Variants in IMMP2L observed in about 807,000 individuals in gnomAD.
The protein encoded by IMMP2L is inner mitochondrial membrane peptidase subunit 2.
In IMMP2L, 18 loss-of-function variants were observed where a neutral mutation model predicts 19.3. The ratio of observed to expected loss-of-function variants is 0.93; its 90% CI spans 0.64 to 1.38. The LOEUF is 1.38. Ranked by LOEUF, IMMP2L falls within the 40% of genes most tolerant of loss-of-function variation. The pLI, the probability that IMMP2L is intolerant of heterozygous loss-of-function variation, is 0.00. For synonymous variants in IMMP2L, 76 were observed against 73.0 expected (o/e 1.04, Z -0.21); for missense variants, 233 against 218.2 (o/e 1.07, Z -0.43).
In IMMP2L at chr7:111,461,409, C is replaced by G. The variant is rs78716643; in HGVS notation, c.239+25829G>C. ...ATCCTGAAATACACACACACATACACGCACACGCACAGGAACACACATTCT... is the reference window on the plus strand; with the variant it reads ...ATCCTGAAATACACACACACATACAGGCACACGCACAGGAACACACATTCT... On this transcript the variant is annotated intron_variant, in intron 3 of 5. Coordinates refer to ENST00000405709, the MANE Select transcript of IMMP2L (RefSeq NM_032549.4). Among the ~76,000 whole-genome samples, 316 of 152,090 alleles carry G rather than the reference C, an allele frequency of 2.1e-3. 3 individuals are homozygous for G. Among genetic ancestry groups the G allele is most frequent in the African/African-American group, 7.2e-3 (300 of 41,536 alleles).
At chr7:111,226,189 C>G (rs1408893561) in intron 3 of IMMP2L, among the ~76,000 whole-genome samples, 2 of 151,808 alleles carry the variant, frequency 1.3e-5, no homozygotes, top group Non-Finnish European at 2.9e-5. Context: ...CAGGGTCTTG[C>G]TCTGTTACCG....
intron 3 of IMMP2L, among the ~76,000 whole-genome samples, chr7:111,024,230 T>C (rs1185029935): frequency 6.6e-6 from 1 of 152,216 alleles, no homozygotes; most frequent in African/African-American, 2.4e-5. Context: ...AAATAGCATA[T>C]ATTTAAAGTG....
intron 3 of IMMP2L, among the ~76,000 whole-genome samples, chr7:111,191,530 T>C (rs1004537309): frequency 1.3e-5 from 2 of 151,982 alleles, no homozygotes; most frequent in South Asian, 4.2e-4. Flanking sequence ...TGACTTTTAA[T>C]GTACTCTTCC....
rs1554445659 is a variant in IMMP2L, at chr7:110,882,287, G to GCCTTCCTTCCCTCCTTCCTT, written c.408+4305_408+4306insAAGGAAGGAGGGAAGGAAGG. The stretch of plus-strand genomic sequence containing the variant: ...GTCCCAATTCCTCTCTTTGTCAAGT[G>GCCTTCCTTCCCTCCTTCCTT]CCTTCCTTCCTTCCTTCCTTCCTTC... On this transcript the variant is annotated intron_variant, in intron 5 of 5. Transcript: ENST00000405709. Among the ~76,000 whole-genome samples, 170 of 122,180 alleles carry GCCTTCCTTCCCTCCTTCCTT rather than the reference G, an allele frequency of 1.4e-3. 2 individuals are homozygous for GCCTTCCTTCCCTCCTTCCTT. Among genetic ancestry groups the GCCTTCCTTCCCTCCTTCCTT allele is most frequent in the African/African-American group, 5.5e-3 (165 of 30,180 alleles). 80.2% of individuals were successfully genotyped at this position (122,180 alleles called of 152,430 possible). A position where few individuals can be genotyped will look rare whatever the true frequency, so the allele number is the denominator to read the frequency against.
chr7:111,404,707 A>G (rs1833769247), intron 3 of IMMP2L, among the ~76,000 whole-genome samples: 1 of 152,084 alleles, frequency 6.6e-6, no homozygotes, highest in Admixed American at 6.6e-5. Flanking sequence ...TTTATTCTAA[A>G]TTTTCACATT....
chr7:111,042,675 T>C lies in IMMP2L; in HGVS notation c.240-79110A>G, dbSNP rs559190799. 2.0e-5 allele frequency among the ~76,000 whole-genome samples: 3 copies of C among 152,328 alleles called. No individual in the cohort carries two copies. The South Asian group carries it at 6.2e-4, about 32-fold the overall frequency. On this transcript the variant is annotated intron_variant, in intron 3 of 5. Transcript: ENST00000405709. ...TATACTCCGCCTAAAATCTTAGTTCTGCCTAAGAGCTTAGTGAATAGCATG... is the reference window on the plus strand; with the variant it reads ...TATACTCCGCCTAAAATCTTAGTTCCGCCTAAGAGCTTAGTGAATAGCATG...
At chr7:111,122,275 T>C (rs1800740480) in intron 3 of IMMP2L, 1 of 152,542 alleles carries the variant, frequency 6.6e-6, no homozygotes, top group Non-Finnish European at 1.5e-5. Flanking sequence ...TCACCAAACA[T>C]ACTGAAGTAC....
At chr7:110,867,538 T>C (rs1237455658) in intron 5 of IMMP2L, among the ~76,000 whole-genome samples, 1 of 152,044 alleles carries the variant, frequency 6.6e-6, no homozygotes, top group Non-Finnish European at 1.5e-5. Flanking sequence ...AAAATGTCTT[T>C]ATGTATGTGG....
chr7:111,179,677 T>C (rs1030446086), intron 3 of IMMP2L, among the ~76,000 whole-genome samples: 1 of 152,080 alleles, frequency 6.6e-6, no homozygotes, highest in African/African-American at 2.4e-5. Context: ...CTTTGATGCT[T>C]TGAAGCCAGC....
At chr7:110,735,830 G>C (rs1203879939) in intron 5 of IMMP2L, among the ~76,000 whole-genome samples, 5 of 108,086 alleles carry the variant, frequency 4.6e-5, no homozygotes, top group African/African-American at 1.8e-4. Context: ...CTGGGTGACA[G>C]AGTCTCACTC....
chr7:110,914,376 C>T (rs923972828), intron 4 of IMMP2L, among the ~76,000 whole-genome samples: 1 of 152,156 alleles, frequency 6.6e-6, no homozygotes, highest in Non-Finnish European at 1.5e-5. Context: ...TTGCATGTGA[C>T]ATCTATGAAG....
chr7:111,198,411 A>C (rs1809732684), intron 3 of IMMP2L, among the ~76,000 whole-genome samples: 2 of 152,106 alleles, frequency 1.3e-5, no homozygotes, highest in African/African-American at 4.8e-5. Context: ...AACCCGTACA[A>C]GCAGTTATTA....
intron 3 of IMMP2L, among the ~76,000 whole-genome samples, chr7:111,364,994 A>G (rs114797435): frequency 0.011 from 1,615 of 152,076 alleles, 33 homozygotes; most frequent in African/African-American, 0.036. Flanking sequence ...TATAAACATT[A>G]TATACATAAG....
intron 3 of IMMP2L, among the ~76,000 whole-genome samples, chr7:111,148,681 C>T (rs1803746395): frequency 6.6e-6 from 1 of 151,722 alleles, no homozygotes; most frequent in Admixed American, 6.6e-5. Context: ...TTGCTTCTAC[C>T]TTTATTCATT....
intron 3 of IMMP2L, among the ~76,000 whole-genome samples, chr7:111,228,110 G>A (rs1320374398): frequency 6.6e-6 from 1 of 152,042 alleles, no homozygotes; most frequent in African/African-American, 2.4e-5. Context: ...CTCATTAAGA[G>A]ATTATCTGCT....
chr7:110,801,423 T>C (rs1376686359), intron 5 of IMMP2L, among the ~76,000 whole-genome samples: 2 of 152,150 alleles, frequency 1.3e-5, no homozygotes, highest in South Asian at 2.1e-4. Flanking sequence ...GCTTGACTTA[T>C]ACTTTCCTTT....
rs77769982 is a variant in IMMP2L at position 110,885,101 on chromosome 7, T to C, written c.408+1492A>G. ...ATTTTTTCACAAACATATCTAAAGG[T>C]ATTCAATATTAACTTATACAAGTTG... On this transcript the variant is annotated intron_variant, in intron 5 of 5. Transcript: ENST00000405709. Among the ~76,000 whole-genome samples, 16 of 152,110 alleles carry C rather than the reference T, an allele frequency of 1.1e-4. No individual in the cohort carries two copies. In the East Asian group the frequency reaches 2.9e-3, roughly 28 times the overall value.
intron 5 of IMMP2L, among the ~76,000 whole-genome samples, chr7:110,706,893 G>C (rs187486907): frequency 4.0e-5 from 6 of 151,640 alleles, no homozygotes; most frequent in East Asian, 3.9e-4. Context: ...TAATTTTTTT[G>C]AGGACTTGGT....
At chr7:111,072,517 A>G (rs1795040357) in intron 3 of IMMP2L, among the ~76,000 whole-genome samples, 1 of 151,590 alleles carries the variant, frequency 6.6e-6, no homozygotes, top group South Asian at 2.1e-4. Context: ...TATCAGAAAA[A>G]CCCAAAAATA....
Sources: allele counts gnomAD v4.1 joint callset (sites outside exome capture counted in the v4.1 genomes callset), GRCh38; gene constraint gnomAD v4.1.1; transcripts MANE v1.5; gene names NCBI Gene and HGNC (gene_info 2026-07-23, HGNC 2026-07-21).